BNIP5: variants seen among roughly 807,000 people sequenced by gnomAD.
BNIP5 encodes the protein protein BNIP5.
In BNIP5, 61 loss-of-function variants were observed where a neutral mutation model predicts 67.3. The observed-to-expected ratio is 0.91, with a 90% CI of 0.74 to 1.12. The LOEUF (loss-of-function observed/expected upper bound fraction) is 1.12. Ranked by LOEUF, BNIP5 falls within the 50% of genes most tolerant of loss-of-function variation. The pLI, the probability that BNIP5 is intolerant of heterozygous loss-of-function variation, is 0.00. For missense variants in BNIP5, 826 were observed against 816.3 expected (o/e 1.01, Z -0.14); for synonymous variants, 317 against 319.0 (o/e 0.99, Z 0.07).
Position 36,330,111 on chromosome 6 carries a change from CG to C in BNIP5, c.579del (p.Glu195ArgfsTer55). 1.9e-6 allele frequency: 3 copies of C among 1,609,618 alleles called. No individual in the cohort carries two copies. Among genetic ancestry groups the C allele is most frequent in the Middle Eastern group, 1.7e-4 (1 of 6,060 alleles). On this transcript the variant is annotated frameshift_variant, in exon 2 of 12. Coordinates refer to ENST00000437635, the MANE Select transcript of BNIP5 (RefSeq NM_001010903.5). LOFTEE classifies it high-confidence loss of function. ...GLSKAAAALR[S>X]GEADLGPARR... The stretch of plus-strand genomic sequence containing the variant: ...CGAGCTGGGCCCAGGTCAGCCTCCC[CG>C]GAGCGCAAGGCAGCAGCTGCCTTGG...
At chr6:36,328,756 G>T in intron 2 of BNIP5, 42 bp from the exon 3 acceptor site, 1 of 1,176,058 alleles carries the variant, frequency 8.5e-7, no homozygotes, top group Non-Finnish European at 1.3e-6. Context: ...AGGTGTGTAT[G>T]TGCGTGTGTC....
chr6:36,322,695 GC>G (rs1295852561), intron 8 of BNIP5, among the ~76,000 whole-genome samples: 1 of 152,204 alleles, frequency 6.6e-6, no homozygotes, highest in Non-Finnish European at 1.5e-5. Context: ...TGCCAGCAGG[GC>G]CCACCAAATG....
chr6:36,326,508 A>G lies in BNIP5; in HGVS notation c.1036+2T>C. ...GCTATGGCAACTGCAGAGCCTGCTCACCATAGCTGCTGGAGATGGAAGGCC... is the reference window on the plus strand; with the variant it reads ...GCTATGGCAACTGCAGAGCCTGCTCGCCATAGCTGCTGGAGATGGAAGGCC... On this transcript the variant is annotated splice_donor_variant, in intron 5 of 11. Coordinates refer to ENST00000437635, the MANE Select transcript of BNIP5 (RefSeq NM_001010903.5). LOFTEE classifies it high-confidence loss of function. 1 of 1,614,204 alleles carries G rather than the reference A, an allele frequency of 6.2e-7. No individual in the cohort carries two copies.
chr6:36,328,834 C>A, intron 2 of BNIP5, 120 bp from the exon 3 acceptor site: 1 of 716,408 alleles, frequency 1.4e-6, no homozygotes, highest in East Asian at 2.5e-5. Context: ...GCAACAGGTG[C>A]TGCTGCAGCC....
intron 2 of BNIP5, among the ~76,000 whole-genome samples, chr6:36,329,038 A>G (rs1010631907): frequency 2.6e-5 from 4 of 152,218 alleles, no homozygotes; most frequent in African/African-American, 9.6e-5. Flanking sequence ...ATTCAGCTCC[A>G]GAGCCTTGGG....
intron 2 of BNIP5, among the ~76,000 whole-genome samples, chr6:36,329,570 G>A (rs1305810315): frequency 6.6e-6 from 1 of 152,140 alleles, no homozygotes; most frequent in Non-Finnish European, 1.5e-5. Context: ...CAGCACACTA[G>A]GGGGCCACAG....
chr6:36,321,471 A>G (rs1223974001), intron 9 of BNIP5, among the ~76,000 whole-genome samples: 2 of 152,174 alleles, frequency 1.3e-5, no homozygotes, highest in African/African-American at 4.8e-5. Flanking sequence ...ACCTGTAACC[A>G]CATTCAGCTT....
At chr6:36,325,224 G>C (rs771196341) in intron 6 of BNIP5, 59 bp downstream of exon 6, 4 of 1,560,412 alleles carry the variant, frequency 2.6e-6, no homozygotes, top group African/African-American at 1.4e-5. Context: ...CTTTGCAAGT[G>C]GGGGAGTCAG....
intron 1 of BNIP5, among the ~76,000 whole-genome samples, chr6:36,335,148 C>A (rs568333138): frequency 6.6e-6 from 1 of 152,218 alleles, no homozygotes; most frequent in African/African-American, 2.4e-5. Context: ...AGTTTGCTTG[C>A]CTTCCCCAAG....
chr6:36,330,865 G>A (rs1216413257), intron 1 of BNIP5, among the ~76,000 whole-genome samples, 171 bp from the exon 2 acceptor site: 1 of 152,154 alleles, frequency 6.6e-6, no homozygotes, highest in African/African-American at 2.4e-5. Context: ...CTGGGTTCAA[G>A]CGATTCTCCT....
In BNIP5 at chr6:36,324,069, C is replaced by A. The variant is rs983395757; in HGVS notation, c.1230+60G>T. On this transcript the variant is annotated intron_variant, in intron 7 of 11. Transcript: ENST00000437635. The stretch of plus-strand genomic sequence containing the variant: ...CAGCAGAGACAGGGAAGTTGTTACA[C>A]CAGGCAGGGTTGGGGAGCCCACAGT... The A allele has an allele frequency of 1.6e-5, 21 of 1,275,994 alleles. No homozygotes were observed. In the African/African-American group the frequency reaches 2.2e-4, roughly 13 times the overall value. The allele number at this position is 1,275,994 out of a possible 1,614,324, so 79.0% of individuals were successfully genotyped here.
At chr6:36,321,012 C>T (rs1269872558) in intron 10 of BNIP5, 143 bp downstream of exon 10, 5 of 612,492 alleles carry the variant, frequency 8.2e-6, no homozygotes, top group East Asian at 2.8e-5. Flanking sequence ...GTAATTCTCT[C>T]TCATTTTGGA....
chr6:36,326,793 C>T (rs1561884474), intron 4 of BNIP5, 40 bp from the exon 5 acceptor site: 2 of 1,610,876 alleles, frequency 1.2e-6, no homozygotes, highest in Admixed American at 3.4e-5. Flanking sequence ...GTTCATGACA[C>T]TGAGAGGGGG....
chr6:36,330,097 C>T lies in BNIP5; in HGVS notation c.594G>A (p.Leu198=), dbSNP rs377765062. ...TCCGCTCACCCCTGCGAGCTGGGCC[C>T]AGGTCAGCCTCCCCGGAGCGCAAGG... The part of the protein sequence containing the change: ...AAALRSGEAD[L]GPARRGGEDS... Residue 198 remains leucine (L), a synonymous_variant, in exon 2 of 12, where the codon CTG becomes CTA. Coordinates refer to ENST00000437635, the MANE Select transcript of BNIP5 (RefSeq NM_001010903.5). 1 of 1,606,368 alleles carries T rather than the reference C, an allele frequency of 6.2e-7. No homozygotes were observed. Among genetic ancestry groups the T allele is most frequent in the Non-Finnish European group, 8.5e-7 (1 of 1,178,990 alleles).
intron 5 of BNIP5, among the ~76,000 whole-genome samples, chr6:36,326,248 T>C (rs1256613519): frequency 6.6e-6 from 1 of 152,208 alleles, no homozygotes; most frequent in Non-Finnish European, 1.5e-5. Flanking sequence ...CCAAGAAATG[T>C]TGACGGTTGG....
At chr6:36,320,287 G>T (rs1032752554) in intron 10 of BNIP5, among the ~76,000 whole-genome samples, 20 of 152,186 alleles carry the variant, frequency 1.3e-4, no homozygotes, top group African/African-American at 4.6e-4. Flanking sequence ...GAATGGGAAG[G>T]CGGCCCAGGG....
chr6:36,331,006 C>T (rs766134568), intron 1 of BNIP5, among the ~76,000 whole-genome samples: 19 of 152,132 alleles, frequency 1.2e-4, no homozygotes, highest in Non-Finnish European at 2.4e-4. Flanking sequence ...TCAGGTGATC[C>T]GCCTGCCTCG....
At chr6:36,327,247 G>T (rs769302053) in intron 3 of BNIP5, among the ~76,000 whole-genome samples, 153 bp from the exon 4 acceptor site, 2 of 152,332 alleles carry the variant, frequency 1.3e-5, no homozygotes, top group South Asian at 2.1e-4. Context: ...CTGAGAGAAG[G>T]TTGGAAGATC....
intron 7 of BNIP5, 89 bp from the exon 8 acceptor site, chr6:36,323,622 G>A: frequency 6.9e-7 from 1 of 1,449,566 alleles, no homozygotes; most frequent in Non-Finnish European, 9.5e-7. Context: ...CGGTGGGCTA[G>A]CAGGCGTTGC....
Sources: allele counts gnomAD v4.1 joint callset (sites outside exome capture counted in the v4.1 genomes callset), GRCh38; gene constraint gnomAD v4.1.1; transcripts MANE v1.5; gene names NCBI Gene and HGNC (gene_info 2026-07-23, HGNC 2026-07-21).